The following PDZD2 variants were observed in gnomAD, a reference collection of about 807,000 sequenced individuals.
PDZD2 encodes the protein PDZ domain containing 2.
Under a neutral mutation model 220.7 loss-of-function variants are expected in PDZD2, and 90 were observed. That is an observed-to-expected ratio of 0.41 (90% CI 0.34 to 0.49). PDZD2 has a LOEUF of 0.49. Ranked by LOEUF, PDZD2 falls within the 20% of genes least tolerant of loss-of-function variation. The probability of loss-of-function intolerance (pLI) is 0.28; values close to 1 mark genes in which losing one functional copy is unlikely to be tolerated. For missense variants in PDZD2, 3,174 were observed against 3,608.5 expected, an observed-to-expected ratio of 0.88 and a Z score of 3.08; for synonymous variants, 1,375 against 1,450.5, an observed-to-expected ratio of 0.95 and a Z score of 1.18.
chr5:31,918,303 G>A (rs1743864552), intron 2 of PDZD2, among the ~76,000 whole-genome samples: 1 of 152,194 alleles, frequency 6.6e-6, no homozygotes, highest in Non-Finnish European at 1.5e-5. Context: ...CTTGGGGAAA[G>A]GAAAGGCACT....
chr5:32,068,009 A>G (rs1177385857), intron 14 of PDZD2, among the ~76,000 whole-genome samples: 1 of 152,222 alleles, frequency 6.6e-6, no homozygotes, highest in African/African-American at 2.4e-5. Context: ...ATGACTGAAA[A>G]AAATTCCAGT....
chr5:31,650,712 A>G (rs1205512445), intron 1 of PDZD2, among the ~76,000 whole-genome samples: 1 of 152,240 alleles, frequency 6.6e-6, no homozygotes, highest in Non-Finnish European at 1.5e-5. Context: ...GAAGGCAGAG[A>G]TGACCAGGTT....
At chr5:31,733,448 C>T (rs1749655882) in intron 1 of PDZD2, among the ~76,000 whole-genome samples, 1 of 152,198 alleles carries the variant, frequency 6.6e-6, no homozygotes, top group African/African-American at 2.4e-5. Flanking sequence ...TCTCAATCCA[C>T]GTGCTGCGTG....
chr5:31,902,760 G>A (rs746961148), intron 2 of PDZD2, among the ~76,000 whole-genome samples: 38 of 151,824 alleles, frequency 2.5e-4, no homozygotes, highest in Admixed American at 2.0e-4. Flanking sequence ...CCAGCTACTC[G>A]GGAGGCTGAC....
At chr5:31,869,157 A>G (rs1444034554) in intron 2 of PDZD2, among the ~76,000 whole-genome samples, 1 of 152,198 alleles carries the variant, frequency 6.6e-6, no homozygotes, top group Non-Finnish European at 1.5e-5. Flanking sequence ...AAAGTTCCAG[A>G]CATGCTTTGT....
intron 2 of PDZD2, among the ~76,000 whole-genome samples, chr5:31,926,794 A>G (rs1744818441): frequency 6.6e-6 from 1 of 152,224 alleles, no homozygotes; most frequent in Non-Finnish European, 1.5e-5. Flanking sequence ...ACTAGTCACA[A>G]TGGCAAAGCC....
At chr5:31,926,712 A>G (rs957721489) in intron 2 of PDZD2, among the ~76,000 whole-genome samples, 1 of 152,176 alleles carries the variant, frequency 6.6e-6, no homozygotes, top group Non-Finnish European at 1.5e-5. Flanking sequence ...GCAATTCTAT[A>G]CTAGGTATAT....
chr5:31,955,683 C>CTTTTTTT (rs34964306), intron 2 of PDZD2, among the ~76,000 whole-genome samples: 42 of 116,808 alleles, frequency 3.6e-4, no homozygotes, highest in East Asian at 1.2e-3. Context: ...GGGCTCTGTT[C>CTTTTTTT]TTTTTTTTTT....
chr5:32,032,702 C>G (rs531317497), intron 6 of PDZD2, among the ~76,000 whole-genome samples: 51 of 152,198 alleles, frequency 3.4e-4, no homozygotes, highest in Non-Finnish European at 6.3e-4. Flanking sequence ...AAAGGGAAAT[C>G]AGGAGAAATC....
chr5:31,890,388 TG>T (rs1306674632), intron 2 of PDZD2, among the ~76,000 whole-genome samples: 2 of 152,186 alleles, frequency 1.3e-5, no homozygotes, highest in African/African-American at 4.8e-5. Context: ...TTAATACTTT[TG>T]CAAAATAACT....
intron 1 of PDZD2, among the ~76,000 whole-genome samples, chr5:31,793,865 C>T (rs1474853614): frequency 6.6e-6 from 1 of 152,106 alleles, no homozygotes. Context: ...TGGAAAGTCC[C>T]TTGGGCACGC....
intron 5 of PDZD2, among the ~76,000 whole-genome samples, chr5:32,007,831 C>T (rs1463778337): frequency 1.3e-5 from 2 of 152,182 alleles, no homozygotes; most frequent in African/African-American, 2.4e-5. Flanking sequence ...GGCCCCTGGC[C>T]CTCATGTGCT....
intron 2 of PDZD2, among the ~76,000 whole-genome samples, chr5:31,877,706 T>A (rs1739431438): frequency 6.7e-6 from 1 of 149,510 alleles, no homozygotes; most frequent in Non-Finnish European, 1.5e-5. Context: ...TTATTTATTT[T>A]GAGACAGAGT....
At chr5:31,779,162 A>G (rs1473446572) in intron 1 of PDZD2, among the ~76,000 whole-genome samples, 1 of 152,000 alleles carries the variant, frequency 6.6e-6, no homozygotes, top group Non-Finnish European at 1.5e-5. Context: ...ACTAACTCCC[A>G]GCCCCACCAC....
intron 6 of PDZD2, among the ~76,000 whole-genome samples, chr5:32,034,342 A>G (rs1755359731): frequency 6.6e-6 from 1 of 151,534 alleles, no homozygotes; most frequent in South Asian, 2.1e-4. Flanking sequence ...GTATTATCAG[A>G]AGGAACCAGG....
chr5:31,884,944 G>A (rs1490407843), intron 2 of PDZD2, among the ~76,000 whole-genome samples: 2 of 151,984 alleles, frequency 1.3e-5, no homozygotes, highest in South Asian at 4.2e-4. Flanking sequence ...TGCCTGGCCG[G>A]CCACTATATT....
chr5:31,976,985 G>T (rs1207988478), intron 2 of PDZD2, among the ~76,000 whole-genome samples: 1 of 150,388 alleles, frequency 6.6e-6, no homozygotes, highest in African/African-American at 2.4e-5. Flanking sequence ...TGAAGTGCTG[G>T]AATTACATGC....
chr5:31,658,788 T>A (rs1745653049), intron 1 of PDZD2, among the ~76,000 whole-genome samples: 2 of 152,066 alleles, frequency 1.3e-5, no homozygotes, highest in Non-Finnish European at 2.9e-5. Context: ...CCCAGCTAAG[T>A]TTTTGTATCT....
chr5:31,665,069 T>C (rs1444508839), intron 1 of PDZD2: 1 of 152,298 alleles, frequency 6.6e-6, no homozygotes, highest in Non-Finnish European at 1.5e-5. Context: ...TTGCCTGCTA[T>C]TTCTGCTACT....
Sources: allele counts gnomAD v4.1 joint callset (sites outside exome capture counted in the v4.1 genomes callset), GRCh38; gene constraint gnomAD v4.1.1; transcripts MANE v1.5; gene names NCBI Gene and HGNC (gene_info 2026-07-23, HGNC 2026-07-21).